ST6GALNAC3: variants seen among roughly 807,000 people sequenced by gnomAD.
The protein encoded by ST6GALNAC3 is ST6 N-acetylgalactosaminide alpha-2,6-sialyltransferase 3.
A neutral mutation model predicts 32.7 loss-of-function variants in ST6GALNAC3; 25 were observed. That is an observed-to-expected ratio of 0.76 (90% CI 0.56 to 1.07). The LOEUF (loss-of-function observed/expected upper bound fraction) is 1.07, where lower values mean the gene tolerates loss of function less well. Among genes scored for constraint, ST6GALNAC3 ranks in the 50% least tolerant of loss-of-function variants. The pLI, the probability that ST6GALNAC3 is intolerant of heterozygous loss-of-function variation, is 0.00. For missense variants in ST6GALNAC3, 355 were observed against 382.4 expected (o/e 0.93, Z 0.60); for synonymous variants, 129 against 133.1 (o/e 0.97, Z 0.21).
intron 3 of ST6GALNAC3, among the ~76,000 whole-genome samples, chr1:76,439,667 C>A (rs9437150): frequency 6.6e-6 from 1 of 152,122 alleles, no homozygotes; most frequent in Non-Finnish European, 1.5e-5. Flanking sequence ...TTTTTTTTAT[C>A]TGGGTTCATG....
At chr1:76,095,794 C>G (rs1187748399) in intron 1 of ST6GALNAC3, among the ~76,000 whole-genome samples, 1 of 152,124 alleles carries the variant, frequency 6.6e-6, no homozygotes, top group Non-Finnish European at 1.5e-5. Context: ...CCCATCCTCT[C>G]AGTTGTCCTC....
chr1:76,240,828 T>G (rs1656918369), intron 1 of ST6GALNAC3, among the ~76,000 whole-genome samples: 1 of 152,226 alleles, frequency 6.6e-6, no homozygotes, highest in African/African-American at 2.4e-5. Context: ...TTATCCTACC[T>G]TAATACCCAT....
Position 76,101,309 on chromosome 1 carries a change from G to A in ST6GALNAC3, c.18+26425G>A, listed in dbSNP as rs527659772. ...CTTTCACTTACTAATATGCATTTAAGTTTCCTCCATGTCTTTTCACAGCTT... is the reference window on the plus strand; with the variant it reads ...CTTTCACTTACTAATATGCATTTAAATTTCCTCCATGTCTTTTCACAGCTT... On this transcript the variant is annotated intron_variant, in intron 1 of 4. Transcript: ENST00000328299. 6.6e-5 allele frequency among the ~76,000 whole-genome samples: 10 copies of A among 152,198 alleles called. No individual in the cohort carries two copies. In the South Asian group the frequency reaches 1.0e-3, roughly 16 times the overall value.
chr1:76,523,289 T>G lies in ST6GALNAC3; in HGVS notation c.624-104163T>G, dbSNP rs1423798840. Among the ~76,000 whole-genome samples the G allele has an allele frequency of 3.3e-5, 5 of 152,026 alleles. No individual in the cohort carries two copies. The East Asian group carries it at 9.7e-4, about 29-fold the overall frequency. Reference sequence around the variant, plus strand: ...TATTTTTCTTATTCATGTTATTCATTTTTTTTATAATGTTTGTCTTAATAT... The same window carrying G: ...TATTTTTCTTATTCATGTTATTCATGTTTTTTATAATGTTTGTCTTAATAT... On this transcript the variant is annotated intron_variant, in intron 3 of 4. Transcript: ENST00000328299.
intron 3 of ST6GALNAC3, among the ~76,000 whole-genome samples, chr1:76,590,105 C>T (rs916584973): frequency 6.6e-6 from 1 of 152,078 alleles, no homozygotes; most frequent in African/African-American, 2.4e-5. Flanking sequence ...CAAGTTGTAC[C>T]CTTGAGGACC....
chr1:76,493,829 G>C (rs1660645383), intron 3 of ST6GALNAC3, among the ~76,000 whole-genome samples: 1 of 151,968 alleles, frequency 6.6e-6, no homozygotes, highest in Non-Finnish European at 1.5e-5. Flanking sequence ...TTTTCAAATT[G>C]GAAGCAACTT....
At chr1:76,081,398 A>G (rs1050099186) in intron 1 of ST6GALNAC3, among the ~76,000 whole-genome samples, 3 of 152,170 alleles carry the variant, frequency 2.0e-5, no homozygotes, top group African/African-American at 7.2e-5. Flanking sequence ...CGGGTTGGAC[A>G]AGCTATAGAG....
chr1:76,277,561 TATATATACACAC>T (rs1659221377), intron 1 of ST6GALNAC3, among the ~76,000 whole-genome samples: 11 of 66,860 alleles, frequency 1.6e-4, no homozygotes, highest in African/African-American at 8.7e-4. Context: ...TATATATATA[TATATATACACAC>T]ACACATATGT....
At chr1:76,408,014 G>C (rs1231840597) in intron 2 of ST6GALNAC3, among the ~76,000 whole-genome samples, 1 of 152,022 alleles carries the variant, frequency 6.6e-6, no homozygotes, top group Non-Finnish European at 1.5e-5. Context: ...CAGATTTTGG[G>C]TCAAATTGTC....
intron 3 of ST6GALNAC3, among the ~76,000 whole-genome samples, chr1:76,551,739 C>T (rs987428792): frequency 6.6e-6 from 1 of 152,108 alleles, no homozygotes; most frequent in African/African-American, 2.4e-5. Flanking sequence ...AAACTATAGT[C>T]ATCATACTCT....
intron 3 of ST6GALNAC3, among the ~76,000 whole-genome samples, chr1:76,623,711 A>G (rs547028592): frequency 2.6e-5 from 4 of 152,154 alleles, no homozygotes; most frequent in East Asian, 1.9e-4. Context: ...ACAATTTCAC[A>G]TACATCAGGT....
chr1:76,606,749 GAAAAA>G (rs917584065), intron 3 of ST6GALNAC3, among the ~76,000 whole-genome samples: 1 of 145,784 alleles, frequency 6.9e-6, no homozygotes, highest in Non-Finnish European at 1.5e-5. Flanking sequence ...AAAAAAAAAA[GAAAAA>G]AAGAAAAGGA....
intron 3 of ST6GALNAC3, among the ~76,000 whole-genome samples, chr1:76,544,612 C>G (rs1227545513): frequency 5.3e-5 from 8 of 151,974 alleles, no homozygotes; most frequent in Non-Finnish European, 1.5e-5. Flanking sequence ...GCTCTAAAGA[C>G]CAAGAAAGGA....
intron 2 of ST6GALNAC3, among the ~76,000 whole-genome samples, chr1:76,396,975 T>C (rs1653014674): frequency 6.6e-6 from 1 of 152,164 alleles, no homozygotes. Flanking sequence ...GACGAAGCAT[T>C]TTAGAATGGC....
In ST6GALNAC3 at chr1:76,298,049, G is replaced by C. The variant is rs544800651; in HGVS notation, c.19-15756G>C. On this transcript the variant is annotated intron_variant, in intron 1 of 4. Coordinates refer to ENST00000328299, the MANE Select transcript of ST6GALNAC3 (RefSeq NM_152996.4). The stretch of plus-strand genomic sequence containing the variant: ...CAAGAACCACAAAAAGCTTACCATG[G>C]TTAAAGTATAGGGTACAAGTTTGGG... Among the ~76,000 whole-genome samples the C allele has an allele frequency of 1.5e-3, 230 of 152,128 alleles. 1 individual carries two copies. Among genetic ancestry groups the C allele is most frequent in the Non-Finnish European group, 1.5e-3 (99 of 67,962 alleles).
chr1:76,436,725 C>A (rs964728120), intron 3 of ST6GALNAC3, among the ~76,000 whole-genome samples: 2 of 152,036 alleles, frequency 1.3e-5, no homozygotes, highest in Non-Finnish European at 2.9e-5. Context: ...AATATCCTCC[C>A]TCCCCTTACA....
At chr1:76,402,299 A>G (rs1473837397) in intron 2 of ST6GALNAC3, among the ~76,000 whole-genome samples, 1 of 152,170 alleles carries the variant, frequency 6.6e-6, no homozygotes, top group Non-Finnish European at 1.5e-5. Flanking sequence ...AAATAAGCCT[A>G]GTCTTAGAAT....
chr1:76,155,900 G>A (rs577650201), intron 1 of ST6GALNAC3, among the ~76,000 whole-genome samples: 10 of 152,196 alleles, frequency 6.6e-5, no homozygotes, highest in African/African-American at 2.2e-4. Flanking sequence ...TACTTTATTC[G>A]GATTTCCTTT....
At chr1:76,434,770 C>CT (rs1239307093) in intron 3 of ST6GALNAC3, among the ~76,000 whole-genome samples, 11 of 130,864 alleles carry the variant, frequency 8.4e-5, no homozygotes, top group East Asian at 6.2e-4. Context: ...TTTTTACTGC[C>CT]TTTTTTTTTC....
Sources: allele counts gnomAD v4.1 joint callset (sites outside exome capture counted in the v4.1 genomes callset), GRCh38; gene constraint gnomAD v4.1.1; transcripts MANE v1.5; gene names NCBI Gene and HGNC (gene_info 2026-07-23, HGNC 2026-07-21).